STK3: variants seen among roughly 807,000 people sequenced by gnomAD.
The protein encoded by STK3 is serine/threonine-protein kinase 3.
In STK3, 41 loss-of-function variants were observed where a neutral mutation model predicts 58.0. The ratio of observed to expected loss-of-function variants is 0.71; its 90% CI spans 0.55 to 0.92. The LOEUF (loss-of-function observed/expected upper bound fraction) is 0.92. Among genes scored for constraint, STK3 ranks in the 40% least tolerant of loss-of-function variants. The probability of loss-of-function intolerance (pLI) is 0.00; values close to 1 mark genes in which losing one functional copy is unlikely to be tolerated. For synonymous variants in STK3, 170 were observed against 191.0 expected (o/e 0.89, Z 0.91); for missense variants, 479 against 602.7 (o/e 0.79, Z 2.15).
chr8:98,936,513 T>C (rs992852207), intron 1 of STK3, among the ~76,000 whole-genome samples: 3 of 152,234 alleles, frequency 2.0e-5, no homozygotes, highest in African/African-American at 7.2e-5. Flanking sequence ...CACTCTGCTA[T>C]TGCTCCCTTG....
At chr8:98,513,177 A>G (rs1490019654) in intron 10 of STK3, among the ~76,000 whole-genome samples, 1 of 152,154 alleles carries the variant, frequency 6.6e-6, no homozygotes, top group East Asian at 1.9e-4. Context: ...AAAATAATGT[A>G]CAAGCACCAC....
intron 3 of STK3, among the ~76,000 whole-genome samples, chr8:98,416,454 G>T (rs1407374363): frequency 5.4e-5 from 7 of 129,800 alleles, no homozygotes; most frequent in African/African-American, 2.1e-4. Context: ...AAGGAAACAT[G>T]TTCCTTTAAT....
chr8:98,823,674 T>C (rs1835056561), intron 1 of STK3, among the ~76,000 whole-genome samples: 1 of 152,230 alleles, frequency 6.6e-6, no homozygotes, highest in African/African-American at 2.4e-5. Context: ...ATTAAATTAG[T>C]CCCCATTATC....
At chr8:98,662,822 C>T (rs1822060952) in intron 6 of STK3, among the ~76,000 whole-genome samples, 1 of 152,054 alleles carries the variant, frequency 6.6e-6, no homozygotes, top group Non-Finnish European at 1.5e-5. Flanking sequence ...CTATCCCTCA[C>T]CCCTCCCCCA....
Position 98,774,815 on chromosome 8 carries a change from G to T in STK3, c.31C>A (p.Leu11Ile). 1.3e-6 allele frequency: 2 copies of T among 1,543,452 alleles called. No individual in the cohort carries two copies. The highest frequency in any genetic ancestry group is 1.7e-6 in the Non-Finnish European group (2 of 1,149,730). The part of the protein sequence containing the change: MEQPPAPKSK[L>I]KKLSEDSLTK... ...AAACTGTCTTCACTCAGCTTTTTTA[G>T]TTTACTGATTTAAAAAAGAAAGAAG... is the stretch of plus-strand genomic sequence containing the variant. Residue 11 changes from leucine (L) to isoleucine (I), a missense_variant, in exon 2 of 11, where the codon CTA becomes ATA. By Grantham distance (5) the Leu-to-Ile change is conservative. This residue lies in a region of STK3 where 44 missense variants were observed against 37.0 expected (regional missense o/e 1.19). Coordinates refer to ENST00000419617, the MANE Select transcript of STK3 (RefSeq NM_006281.4).
intron 9 of STK3, among the ~76,000 whole-genome samples, chr8:98,537,815 T>G (rs149472859): frequency 6.6e-6 from 1 of 152,298 alleles, no homozygotes; most frequent in Admixed American, 6.5e-5. Context: ...ATTCTCTTTG[T>G]GGATAAGAAA....
At chr8:98,720,750 C>CAAAAAA (rs35529460) in intron 4 of STK3, among the ~76,000 whole-genome samples, 13 of 94,752 alleles carry the variant, frequency 1.4e-4, no homozygotes, top group Non-Finnish European at 1.7e-4. Context: ...GACTCCGTCT[C>CAAAAAA]AAAAAAAAAA....
Position 98,439,627 on chromosome 8 carries a change from GC to G in STK3, n.186-2420del, listed in dbSNP as rs141700604. Among the ~76,000 whole-genome samples, 1,164 of 152,246 alleles carry G rather than the reference GC, an allele frequency of 7.6e-3. 15 individuals carry two copies. The highest frequency in any genetic ancestry group is 0.026 in the African/African-American group (1,088 of 41,532). ...TTCAGTGGAAATCACACACTATTAG[GC>G]ATCAGAGCAGTGGTCAACACATGCG... is the stretch of plus-strand genomic sequence containing the variant. On this transcript the variant is annotated intron_variant and non_coding_transcript_variant, in intron 1 of 3. Coordinates refer to the STK3 transcript ENST00000517832.
chr8:98,670,121 C>A (rs1379055264), intron 6 of STK3, among the ~76,000 whole-genome samples: 1 of 152,186 alleles, frequency 6.6e-6, no homozygotes, highest in East Asian at 1.9e-4. Context: ...TAAATCCCAG[C>A]ACTTTGGGAG....
chr8:98,923,769 T>C (rs1839661958), intron 1 of STK3, among the ~76,000 whole-genome samples: 1 of 151,132 alleles, frequency 6.6e-6, no homozygotes, highest in Non-Finnish European at 1.5e-5. Flanking sequence ...TGGAATAAAG[T>C]GAAGTGAAAA....
At chr8:98,451,129 G>A (rs1013924716), downstream of STK3, among the ~76,000 whole-genome samples, 48 of 152,204 alleles carry the variant, frequency 3.2e-4, no homozygotes, top group Middle Eastern at 6.8e-3. Context: ...TATTATTATT[G>A]TTGTTATGGT....
In STK3 at chr8:98,930,982, T is replaced by C. The variant is rs573891998; in HGVS notation, c.-79+11396A>G. On this transcript the variant is annotated intron_variant, in intron 1 of 1. Coordinates refer to the STK3 transcript ENST00000519420. ...GACCCTACAAGCTTCTGTACTTCAT[T>C]TCTCAACACTCAGATCAAGTTCCTA... Among the ~76,000 whole-genome samples, 2 of 152,312 alleles carry C rather than the reference T, an allele frequency of 1.3e-5. 1 individual carries two copies. The highest frequency in any genetic ancestry group is 4.1e-4 in the South Asian group (2 of 4,826).
intron 6 of STK3, among the ~76,000 whole-genome samples, chr8:98,688,726 G>GA: frequency 6.6e-6 from 1 of 152,054 alleles, no homozygotes; most frequent in African/African-American, 2.4e-5. Context: ...TGAAAAAAAT[G>GA]AAAACAGAGA....
chr8:98,404,989 A>G (rs1005976605), intron 3 of STK3, among the ~76,000 whole-genome samples: 2 of 152,244 alleles, frequency 1.3e-5, no homozygotes, highest in African/African-American at 4.8e-5. Flanking sequence ...ACCAGTCCTG[A>G]ATACAGATAA....
chr8:98,609,353 G>A (rs1816999752), intron 6 of STK3, among the ~76,000 whole-genome samples: 2 of 152,058 alleles, frequency 1.3e-5, no homozygotes, highest in Non-Finnish European at 2.9e-5. Flanking sequence ...AAAAAAAGAA[G>A]TGTATGGTTT....
chr8:98,704,378 C>T (rs543762301), intron 6 of STK3, among the ~76,000 whole-genome samples: 2 of 152,048 alleles, frequency 1.3e-5, no homozygotes, highest in African/African-American at 2.4e-5. Flanking sequence ...AGGAAATAAA[C>T]TATATTATGT....
At chr8:98,569,079 G>A (rs942358583) in intron 8 of STK3, among the ~76,000 whole-genome samples, 1 of 152,158 alleles carries the variant, frequency 6.6e-6, no homozygotes, top group African/African-American at 2.4e-5. Flanking sequence ...TCAGGTATCT[G>A]AATGGCATCT....
intron 3 of STK3, among the ~76,000 whole-genome samples, chr8:98,836,249 G>A (rs1210241897): frequency 1.3e-5 from 2 of 152,018 alleles, no homozygotes; most frequent in Non-Finnish European, 2.9e-5. Context: ...CACAGTTCTG[G>A]AGGCTGGGAG....
At chr8:98,365,805 G>C in the STK3 span, among the ~76,000 whole-genome samples, 1 of 152,040 alleles carries the variant, frequency 6.6e-6, no homozygotes, top group African/African-American at 2.4e-5. Flanking sequence ...TCTGCAACTT[G>C]CTTTTATTGC....
Sources: allele counts gnomAD v4.1 joint callset (sites outside exome capture counted in the v4.1 genomes callset), GRCh38; gene constraint gnomAD v4.1.1; regional missense constraint gnomAD v4.1.1; transcripts MANE v1.5; gene names NCBI Gene and HGNC (gene_info 2026-07-23, HGNC 2026-07-21).